Variants in GRIA1 observed in about 807,000 individuals in gnomAD.
GRIA1 encodes glutamate ionotropic receptor AMPA type subunit 1, also known as glutamate receptor 1.
A neutral mutation model predicts 99.2 loss-of-function variants in GRIA1; 31 were observed. The ratio of observed to expected loss-of-function variants is 0.31; its 90% confidence interval spans 0.23 to 0.42. GRIA1 has a LOEUF of 0.42. Ranked by LOEUF, GRIA1 falls within the 10% of genes least tolerant of loss-of-function variation. The pLI is 1.00. For missense variants in GRIA1, 782 were observed against 1,157.5 expected, an observed-to-expected ratio of 0.68 and a Z score of 4.71; for synonymous variants, 438 against 432.4, an observed-to-expected ratio of 1.01 and a Z score of -0.16.
At chr5:153,668,500 C>G (rs1326544493) in intron 5 of GRIA1, among the ~76,000 whole-genome samples, 1 of 152,208 alleles carries the variant, frequency 6.6e-6, no homozygotes, top group Non-Finnish European at 1.5e-5. Flanking sequence ...GAAAGCCATG[C>G]TCTTCCAATT....
chr5:153,766,149 C>A (rs1581620631), intron 12 of GRIA1, among the ~76,000 whole-genome samples: 1 of 152,300 alleles, frequency 6.6e-6, no homozygotes, highest in East Asian at 1.9e-4. Context: ...AACTCCAAGG[C>A]TAAAATCATC....
At chr5:153,691,931 C>T (rs772960481) in intron 8 of GRIA1, among the ~76,000 whole-genome samples, 3 of 152,300 alleles carry the variant, frequency 2.0e-5, no homozygotes, top group East Asian at 3.9e-4. Context: ...TTACCACTTT[C>T]CTGTTGCCAG....
chr5:153,700,716 C>A (rs568126733), intron 10 of GRIA1, among the ~76,000 whole-genome samples: 1 of 152,204 alleles, frequency 6.6e-6, no homozygotes, highest in African/African-American at 2.4e-5. Context: ...CATGCCAAGC[C>A]CCAGGTCAAT....
rs1561768045 is a variant in GRIA1, at chr5:153,687,016, T to C, written c.1134+687T>C. ...TCATCATTGAGCCTTCATACATGTT[T>C]CCTCTGCCTGGGACTTCCTCCCCCC... is the stretch of plus-strand genomic sequence containing the variant. On this transcript the variant is annotated intron_variant, in intron 8 of 15. Coordinates refer to ENST00000285900, the MANE Select transcript of GRIA1 (RefSeq NM_000827.4). Among the ~76,000 whole-genome samples, 7 of 151,028 alleles carry C rather than the reference T, an allele frequency of 4.6e-5. No homozygotes were observed. In the South Asian group the frequency reaches 1.5e-3, roughly 32 times the overall value.
chr5:153,625,684 A>C (rs1489868586), intron 2 of GRIA1, among the ~76,000 whole-genome samples: 1 of 152,254 alleles, frequency 6.6e-6, no homozygotes, highest in Non-Finnish European at 1.5e-5. Flanking sequence ...AAGTCAGAAT[A>C]AAACTTCATG....
At chr5:153,756,808 A>T (rs2149597287) in intron 11 of GRIA1, among the ~76,000 whole-genome samples, 1 of 152,322 alleles carries the variant, frequency 6.6e-6, no homozygotes, top group Non-Finnish European at 1.5e-5. Flanking sequence ...ACAGACTCTG[A>T]CAACAGATTT....
intron 2 of GRIA1, among the ~76,000 whole-genome samples, chr5:153,507,371 G>A (rs994953772): frequency 6.6e-6 from 1 of 151,930 alleles, no homozygotes; most frequent in African/African-American, 2.4e-5. Context: ...CACCACAGGG[G>A]TCCTCTCTCA....
chr5:153,678,589 A>T (rs900165736), intron 7 of GRIA1, among the ~76,000 whole-genome samples: 2 of 152,082 alleles, frequency 1.3e-5, no homozygotes, highest in Admixed American at 6.5e-5. Context: ...ACCTCAGCTT[A>T]TTTAAAATGC....
At chr5:153,673,383 A>G (rs1249612060) in intron 5 of GRIA1, among the ~76,000 whole-genome samples, 1 of 152,194 alleles carries the variant, frequency 6.6e-6, no homozygotes, top group Non-Finnish European at 1.5e-5. Context: ...ATCCCAGATT[A>G]TACTATACTA....
Position 153,562,814 on chromosome 5 carries a change from C to T in GRIA1, c.220+68749C>T, listed in dbSNP as rs77699919. Among the ~76,000 whole-genome samples, 370 of 152,296 alleles carry T rather than the reference C, an allele frequency of 2.4e-3. 2 individuals carry two copies. The highest frequency in any genetic ancestry group is 8.4e-3 in the African/African-American group (351 of 41,560). ...ACACATATGACTAGGACTTTTGTTA[C>T]TTTCATACTTCTCCATTTACAATTT... is the stretch of plus-strand genomic sequence containing the variant. On this transcript the variant is annotated intron_variant, in intron 2 of 15. Transcript: ENST00000285900.
At chr5:153,658,891 C>A (rs73285411) in intron 5 of GRIA1, among the ~76,000 whole-genome samples, 2 of 152,040 alleles carry the variant, frequency 1.3e-5, no homozygotes, top group Non-Finnish European at 2.9e-5. Context: ...AAATAGCCAC[C>A]TTTGAAGGGC....
At chr5:153,585,643 C>T (rs1763420763) in intron 2 of GRIA1, among the ~76,000 whole-genome samples, 1 of 152,028 alleles carries the variant, frequency 6.6e-6, no homozygotes, top group Non-Finnish European at 1.5e-5. Flanking sequence ...GCCTCAGTGG[C>T]TTTCATTGTT....
At chr5:153,663,949 A>C (rs1755559406) in intron 5 of GRIA1, among the ~76,000 whole-genome samples, 1 of 152,228 alleles carries the variant, frequency 6.6e-6, no homozygotes, top group Admixed American at 6.5e-5. Context: ...ATGCTGGGTC[A>C]GCATCCTTTG....
chr5:153,533,196 G>A (rs1758240866), intron 2 of GRIA1, among the ~76,000 whole-genome samples: 1 of 152,142 alleles, frequency 6.6e-6, no homozygotes, highest in Non-Finnish European at 1.5e-5. Flanking sequence ...CAAGGCAAAT[G>A]CACAGAAGGG....
At chr5:153,683,741 G>A (rs115848584) in intron 7 of GRIA1, among the ~76,000 whole-genome samples, 2,596 of 152,234 alleles carry the variant, frequency 0.017, 43 homozygotes, top group Non-Finnish European at 0.026. Flanking sequence ...ACTCTACACA[G>A]CACAGTAGTA....
chr5:153,608,274 C>T (rs1255757852), intron 2 of GRIA1, among the ~76,000 whole-genome samples: 4 of 152,078 alleles, frequency 2.6e-5, no homozygotes, highest in African/African-American at 9.7e-5. Flanking sequence ...TTGGACTTCT[C>T]AAATTTGTGT....
At chr5:153,779,601 C>T (rs762451504) in intron 13 of GRIA1, among the ~76,000 whole-genome samples, 18 of 152,054 alleles carry the variant, frequency 1.2e-4, no homozygotes, top group Non-Finnish European at 2.5e-4. Flanking sequence ...ACTCTTTTTG[C>T]CCAGGCTAGA....
chr5:153,622,951 A>C (rs926649169), intron 2 of GRIA1, among the ~76,000 whole-genome samples: 1 of 152,216 alleles, frequency 6.6e-6, no homozygotes, highest in African/African-American at 2.4e-5. Flanking sequence ...TCAAAGGAAG[A>C]AATGTATAAA....
intron 2 of GRIA1, among the ~76,000 whole-genome samples, chr5:153,582,300 G>T (rs1254292533): frequency 6.6e-6 from 1 of 152,148 alleles, no homozygotes; most frequent in Non-Finnish European, 1.5e-5. Context: ...AGGGTTTTAG[G>T]GTAATGTTCA....
Sources: allele counts gnomAD v4.1 joint callset (sites outside exome capture counted in the v4.1 genomes callset), GRCh38; gene constraint gnomAD v4.1.1; transcripts MANE v1.5; gene names NCBI Gene and HGNC (gene_info 2026-07-23, HGNC 2026-07-21).